Variants in PCDH15 observed in about 807,000 individuals in gnomAD.
PCDH15 encodes the protein protocadherin related 15, also known as protocadherin-15.
Under a neutral mutation model 178.5 loss-of-function variants are expected in PCDH15, and 129 were observed. The ratio of observed to expected loss-of-function variants is 0.72; its 90% confidence interval spans 0.63 to 0.84. The LOEUF is 0.84. Ranked by LOEUF, PCDH15 falls within the 40% of genes least tolerant of loss-of-function variation. The pLI is 0.00. For missense variants in PCDH15, 2,230 were observed against 2,099.9 expected (o/e 1.06, Z -1.21); for synonymous variants, 800 against 732.0 (o/e 1.09, Z -1.50).
chr10:53,826,053 T>A (rs2076658407), intron 32 of PCDH15, among the ~76,000 whole-genome samples: 1 of 151,716 alleles, frequency 6.6e-6, no homozygotes, highest in Non-Finnish European at 1.5e-5. Context: ...TTTTTTTTAG[T>A]TTCTAAAGAT....
rs1283302897 is a variant in PCDH15 at position 54,984,355 on chromosome 10, T to C, written c.-79-86855A>G. Among the ~76,000 whole-genome samples the C allele has an allele frequency of 2.6e-5, 4 of 152,152 alleles. 1 individual carries two copies. In the East Asian group the frequency reaches 7.7e-4, roughly 29 times the overall value. On this transcript the variant is annotated intron_variant, in intron 2 of 5. Transcript: ENST00000458638. ...GTAGTCACTCTCTCCCTTCTCCTTTTTCCCTTGGAGACTCTCATTACAGAG... is the reference window on the plus strand; with the variant it reads ...GTAGTCACTCTCTCCCTTCTCCTTTCTCCCTTGGAGACTCTCATTACAGAG...
rs1232110344 is a variant in PCDH15 at position 54,023,115 on chromosome 10, T to C, written c.2303A>G (p.Asn768Ser). ...CTTCACTGCTGTGTAAATGCTCCCA[T>C]TGGATGTGATACGAAAAAGATTATT... ...NFNNLFRITSNGSIYTAVKLN... is the reference protein window; with the variant it reads ...NFNNLFRITSSGSIYTAVKLN... Residue 768 changes from asparagine to serine, a missense_variant, in exon 19 of 38, where the codon AAT becomes AGT. By Grantham distance (46) the Asn-to-Ser change is conservative (BLOSUM62 1). Transcript: ENST00000644397. The C allele has an allele frequency of 8.1e-6, 13 of 1,613,786 alleles. No homozygotes were observed. The highest frequency in any genetic ancestry group is 2.2e-5 in the East Asian group (1 of 44,874).
intron 20 of PCDH15, among the ~76,000 whole-genome samples, chr10:54,018,274 C>T (rs547310252): frequency 6.6e-6 from 1 of 151,816 alleles, no homozygotes; most frequent in Non-Finnish European, 1.5e-5. Flanking sequence ...GTAGTACTGG[C>T]CACTAAACAA....
intron 25 of PCDH15, among the ~76,000 whole-genome samples, chr10:53,916,943 A>G (rs2083576116): frequency 6.6e-6 from 1 of 152,146 alleles, no homozygotes; most frequent in South Asian, 2.1e-4. Context: ...AGAAGGAAAA[A>G]AAAATACCAA....
intron 2 of PCDH15, among the ~76,000 whole-genome samples, chr10:54,550,670 A>C (rs1454521975): frequency 6.6e-6 from 1 of 152,204 alleles, no homozygotes; most frequent in Non-Finnish European, 1.5e-5. Flanking sequence ...AGTACCTATA[A>C]ATGTTAGATA....
chr10:54,282,235 C>G (rs1264260684), intron 8 of PCDH15, among the ~76,000 whole-genome samples: 3 of 152,092 alleles, frequency 2.0e-5, no homozygotes, highest in Non-Finnish European at 4.4e-5. Context: ...ATCAGAAACA[C>G]TAGGGATAAG....
chr10:53,986,601 T>A (rs1464164359), intron 21 of PCDH15, among the ~76,000 whole-genome samples: 1 of 152,118 alleles, frequency 6.6e-6, no homozygotes, highest in Non-Finnish European at 1.5e-5. Context: ...GATGAGTGGA[T>A]AAAGAAAATG....
At chr10:53,902,376 G>A (rs1362971856) in intron 26 of PCDH15, among the ~76,000 whole-genome samples, 4 of 151,982 alleles carry the variant, frequency 2.6e-5, no homozygotes, top group Non-Finnish European at 5.9e-5. Flanking sequence ...GAAAAGAAAG[G>A]CAATTACTCA....
chr10:54,023,292 A>G, intron 18 of PCDH15, 95 bp from the exon 19 acceptor site: 1 of 1,239,324 alleles, frequency 8.1e-7, no homozygotes, highest in Non-Finnish European at 1.1e-6. Context: ...GTATTTTTCT[A>G]ACCAAAAATT....
chr10:54,498,760 C>T (rs1016071238), intron 3 of PCDH15, among the ~76,000 whole-genome samples: 1 of 152,096 alleles, frequency 6.6e-6, no homozygotes, highest in Non-Finnish European at 1.5e-5. Flanking sequence ...ATAGTCTGTT[C>T]TTGCACTGCT....
intron 3 of PCDH15, among the ~76,000 whole-genome samples, chr10:54,522,437 C>G (rs2082975403): frequency 6.6e-6 from 1 of 152,206 alleles, no homozygotes; most frequent in Non-Finnish European, 1.5e-5. Flanking sequence ...ATTTATTCCT[C>G]TGTCTATAAT....
chr10:55,425,609 TA>T (rs1464679917), intron 2 of PCDH15, among the ~76,000 whole-genome samples: 1 of 151,814 alleles, frequency 6.6e-6, no homozygotes, highest in African/African-American at 2.4e-5. Flanking sequence ...ATCTCAGTTT[TA>T]AAAAAAATCT....
chr10:54,051,918 A>G (rs1217239201), intron 18 of PCDH15, among the ~76,000 whole-genome samples: 1 of 152,200 alleles, frequency 6.6e-6, no homozygotes, highest in African/African-American at 2.4e-5. Context: ...CGTGGCTAAA[A>G]GGGGCCAATG....
intron 25 of PCDH15, among the ~76,000 whole-genome samples, chr10:53,904,468 C>CT (rs10659966): frequency 0.22 from 32,066 of 143,976 alleles, 4,892 homozygotes; most frequent in African/African-American, 0.43. Context: ...TAGAAATAGT[C>CT]TTTTTTTTTT....
intron 5 of PCDH15, among the ~76,000 whole-genome samples, chr10:54,360,744 T>C (rs1945890676): frequency 6.6e-6 from 1 of 152,132 alleles, no homozygotes; most frequent in Non-Finnish European, 1.5e-5. Flanking sequence ...GCTATTATTT[T>C]GTAAGTAAGG....
At chr10:54,694,314 GT>G (rs1343609768) in intron 1 of PCDH15, among the ~76,000 whole-genome samples, 1 of 150,828 alleles carries the variant, frequency 6.6e-6, no homozygotes, top group East Asian at 2.0e-4. Context: ...ACTGCAAATT[GT>G]GCAATTCAAC....
At chr10:54,714,848 A>G (rs1283687544) in intron 1 of PCDH15, among the ~76,000 whole-genome samples, 1 of 152,146 alleles carries the variant, frequency 6.6e-6, no homozygotes, top group Non-Finnish European at 1.5e-5. Flanking sequence ...ACTTAATGTT[A>G]TAATTTTTAT....
chr10:54,181,171 A>G (rs534363064), intron 13 of PCDH15, among the ~76,000 whole-genome samples: 2 of 152,158 alleles, frequency 1.3e-5, no homozygotes, highest in Non-Finnish European at 2.9e-5. Context: ...TCATTTATTT[A>G]TGTAAACTAT....
chr10:54,473,872 TC>T (rs1162254009), intron 3 of PCDH15, among the ~76,000 whole-genome samples: 12 of 151,800 alleles, frequency 7.9e-5, no homozygotes, highest in African/African-American at 2.7e-4. Flanking sequence ...TATTCCAAAT[TC>T]CATTAGATTT....
Sources: allele counts gnomAD v4.1 joint callset (sites outside exome capture counted in the v4.1 genomes callset), GRCh38; gene constraint gnomAD v4.1.1; transcripts MANE v1.5; gene names NCBI Gene and HGNC (gene_info 2026-07-23, HGNC 2026-07-21).